Variants in INSIG2 observed in about 807,000 individuals in gnomAD.
The protein encoded by INSIG2 is insulin-induced gene 2 protein.
Under a neutral mutation model 27.2 loss-of-function variants are expected in INSIG2, and 10 were observed. The observed-to-expected ratio is 0.37, with a 90% CI of 0.23 to 0.62. The LOEUF is 0.62. INSIG2 is among the 20% of genes least tolerant of loss of function. The pLI, the probability that INSIG2 is intolerant of heterozygous loss-of-function variation, is 0.65. For synonymous variants in INSIG2, 97 were observed against 95.8 expected (o/e 1.01, Z -0.07); for missense variants, 178 against 270.2 (o/e 0.66, Z 2.39).
chr2:118,095,488 A>C (rs1356947780), intron 1 of INSIG2, among the ~76,000 whole-genome samples: 1 of 152,138 alleles, frequency 6.6e-6, no homozygotes, highest in Non-Finnish European at 1.5e-5. Context: ...TTACCTCTGA[A>C]GGTTATTGTG....
chr2:118,108,235 AAAG>A, intron 5 of INSIG2, 43 bp from the exon 6 acceptor site: 1 of 1,336,922 alleles, frequency 7.5e-7, no homozygotes. Flanking sequence ...TTGCTATTCA[AAAG>A]AAGTCTTAAT....
At chr2:118,105,449 CA>C (rs1678651520) in intron 3 of INSIG2, among the ~76,000 whole-genome samples, 2 of 152,152 alleles carry the variant, frequency 1.3e-5, no homozygotes, top group African/African-American at 4.8e-5. Flanking sequence ...CATTTAATAC[CA>C]AATTCCACTC....
Position 118,096,589 on chromosome 2 carries a change from CA to C in INSIG2, c.38del (p.Lys13SerfsTer14). On this transcript the variant is annotated frameshift_variant, in exon 2 of 6. Transcript: ENST00000245787. LOFTEE classifies it high-confidence loss of function. ...AAGGAGAGACAGAGTCACCTGGGCC[CA>C]AAAAGTGTGGCCCATATATTTCATC... ...AEGETESPGP[K>X]KCGPYISSVT... is the part of the protein sequence containing the mutation. The C allele has an allele frequency of 6.2e-7, 1 of 1,613,592 alleles. No individual in the cohort carries two copies. Among genetic ancestry groups the C allele is most frequent in the Non-Finnish European group, 8.5e-7 (1 of 1,179,742 alleles).
At chr2:118,100,263 G>T (rs1260879973) in intron 2 of INSIG2, among the ~76,000 whole-genome samples, 2 of 151,976 alleles carry the variant, frequency 1.3e-5, no homozygotes, top group African/African-American at 4.8e-5. Context: ...CCTAGCACAG[G>T]CAAGGAGAAG....
intron 1 of INSIG2, among the ~76,000 whole-genome samples, chr2:118,089,069 A>G (rs1009386458): frequency 6.6e-6 from 1 of 152,188 alleles, no homozygotes; most frequent in Non-Finnish European, 1.5e-5. Flanking sequence ...CCTATGGAAT[A>G]GGTGTTTCGG....
intron 1 of INSIG2, 42 bp from the exon 2 acceptor site, chr2:118,096,377 G>A: frequency 1.9e-6 from 1 of 533,742 alleles, no homozygotes; most frequent in South Asian, 2.9e-5. Context: ...CAATAATCAT[G>A]TATTAGATAC....
At chr2:118,098,258 G>A (rs971546512) in intron 2 of INSIG2, among the ~76,000 whole-genome samples, 1 of 152,052 alleles carries the variant, frequency 6.6e-6, no homozygotes, top group Non-Finnish European at 1.5e-5. Context: ...GAGCATACAT[G>A]TCTTTTCAGG....
chr2:118,094,185 G>T (rs1160857918), intron 1 of INSIG2, among the ~76,000 whole-genome samples: 1 of 133,078 alleles, frequency 7.5e-6, no homozygotes, highest in African/African-American at 3.0e-5. Flanking sequence ...ATGATGAGGA[G>T]GAGGAGGAGG....
chr2:118,099,640 CA>C (rs1254439819), intron 2 of INSIG2, among the ~76,000 whole-genome samples: 1 of 152,114 alleles, frequency 6.6e-6, no homozygotes, highest in African/African-American at 2.4e-5. Context: ...GAAGTTGCCT[CA>C]AAAATCACAA....
At chr2:118,096,895 ATATT>A in intron 2 of INSIG2, 95 bp downstream of exon 2, 1 of 1,321,130 alleles carries the variant, frequency 7.6e-7, no homozygotes. Context: ...AAAAGAAAAT[ATATT>A]TATTGAGATA....
In INSIG2 at chr2:118,108,527, A is replaced by G. The variant is rs534455876; in HGVS notation, c.*205A>G. The G allele has an allele frequency of 3.7e-5, 16 of 435,810 alleles. No individual in the cohort carries two copies. Among genetic ancestry groups the G allele is most frequent in the Middle Eastern group, 4.6e-4 (1 of 2,168 alleles). 27.0% of individuals were successfully genotyped at this position (435,810 alleles called of 1,614,324 possible). On this transcript the variant is annotated 3_prime_UTR_variant, in exon 6 of 6. Coordinates refer to ENST00000245787, the MANE Select transcript of INSIG2 (RefSeq NM_016133.4). ...TGCTTCATCTGTAAATCAGTTGTAA[A>G]CCTTTACATATTTGACTTAAATAAC...
intron 1 of INSIG2, among the ~76,000 whole-genome samples, chr2:118,095,690 TC>T (rs1199356912): frequency 6.6e-6 from 1 of 152,228 alleles, no homozygotes; most frequent in Non-Finnish European, 1.5e-5. Flanking sequence ...TTCTTCATTT[TC>T]TTCACTTCCT....
chr2:118,090,649 G>A (rs191978937), intron 1 of INSIG2, among the ~76,000 whole-genome samples: 63 of 152,286 alleles, frequency 4.1e-4, no homozygotes, highest in Admixed American at 2.5e-3. Flanking sequence ...TTCAAGTCTG[G>A]TGGAAAGTTT....
intron 3 of INSIG2, among the ~76,000 whole-genome samples, chr2:118,104,354 A>AT (rs755369087): frequency 6.6e-6 from 1 of 152,154 alleles, no homozygotes; most frequent in Non-Finnish European, 1.5e-5. Context: ...AGGGTCCTAG[A>AT]TTCTGAAAAC....
chr2:118,106,298 C>G (rs9308762), intron 3 of INSIG2, among the ~76,000 whole-genome samples: 1 of 152,148 alleles, frequency 6.6e-6, no homozygotes, highest in African/African-American at 2.4e-5. Flanking sequence ...AGTTCCTGTA[C>G]GATTCTCAAG....
rs868455490 is a variant in INSIG2, at chr2:118,096,438, T to G, written c.-119T>G. The G allele has an allele frequency of 9.0e-6, 9 of 1,004,916 alleles. No homozygotes were observed. In the African/African-American group the frequency reaches 1.3e-4, roughly 15 times the overall value. 62.2% of individuals were successfully genotyped at this position (1,004,916 alleles called of 1,614,324 possible). On this transcript the variant is annotated 5_prime_UTR_variant, in exon 2 of 6. Transcript: ENST00000245787. ...TTGCAGGATTTCTGGTAGGTCCTAC[T>G]TTAGGACAAGATGTGGTACCGTTGA...
intron 1 of INSIG2, among the ~76,000 whole-genome samples, chr2:118,091,023 A>G (rs1329744676): frequency 6.6e-6 from 1 of 152,252 alleles, no homozygotes; most frequent in Non-Finnish European, 1.5e-5. Context: ...TTTGTCAAGT[A>G]ATCTAAATTT....
rs576177428 is a variant in INSIG2 at position 118,098,914 on chromosome 2, G to A, written c.244+2114G>A. Among the ~76,000 whole-genome samples, 5 of 152,290 alleles carry A rather than the reference G, an allele frequency of 3.3e-5. No individual in the cohort carries two copies. In the East Asian group the frequency reaches 5.8e-4, roughly 18 times the overall value. On this transcript the variant is annotated intron_variant, in intron 2 of 5. Transcript: ENST00000245787. ...CCATAAGGTACTTGGGCAAAAGAAA[G>A]TAGAGAGACATTAGGAAATCTAGAT...
At chr2:118,097,410 T>G (rs1367175178) in intron 2 of INSIG2, among the ~76,000 whole-genome samples, 1 of 152,252 alleles carries the variant, frequency 6.6e-6, no homozygotes, top group Non-Finnish European at 1.5e-5. Context: ...AGCTTCATGT[T>G]GTATTTTTGT....
Sources: gnomAD v4.1 joint callset for allele counts (sites outside exome capture counted in the v4.1 genomes callset) on GRCh38, gnomAD v4.1.1 for gene constraint, MANE v1.5 for transcripts, NCBI Gene and HGNC (gene_info 2026-07-23, HGNC 2026-07-21) for gene names.